The following SV2B variants were observed in gnomAD, a reference collection of about 807,000 sequenced individuals.
SV2B encodes synaptic vesicle glycoprotein 2B.
In SV2B, 41 loss-of-function variants were observed where a neutral mutation model predicts 73.9. That is an observed-to-expected ratio of 0.56 (90% CI 0.43 to 0.72). The LOEUF is 0.72. Ranked by LOEUF, SV2B falls within the 30% of genes least tolerant of loss-of-function variation. The pLI, the probability that SV2B is intolerant of heterozygous loss-of-function variation, is 0.00. For synonymous variants in SV2B, 314 were observed against 314.2 expected (o/e 1.00, Z 0.01); for missense variants, 764 against 857.8 (o/e 0.89, Z 1.37).
intron 1 of SV2B, among the ~76,000 whole-genome samples, chr15:91,191,644 C>T (rs1029194913): frequency 1.3e-5 from 2 of 152,172 alleles, no homozygotes; most frequent in African/African-American, 4.8e-5. Flanking sequence ...TGCGGTAGCT[C>T]AAATACAATT....
intron 1 of SV2B, among the ~76,000 whole-genome samples, chr15:91,168,400 C>T (rs2043997450): frequency 6.6e-6 from 1 of 151,970 alleles, no homozygotes. Flanking sequence ...AGGATTTTCT[C>T]TGAGTTGTGG....
rs2046315767 is a variant in SV2B, at chr15:91,224,595, G to A, written c.-391-1278G>A. Among the ~76,000 whole-genome samples, 1 of 152,212 alleles carries A rather than the reference G, an allele frequency of 6.6e-6. No individual in the cohort carries two copies. The highest frequency in any genetic ancestry group is 2.1e-4 in the South Asian group (1 of 4,834). ...TTTAATGTGACAGTCCCTCGGGGTA[G>A]CATCTGGGAAGTATGAGGACATTGG... On this transcript the variant is annotated intron_variant, in intron 1 of 12. Transcript: ENST00000394232. This position sits in a 1 kb window ranked among gnomAD's most constrained non-coding sequence, Gnocchi z 4.9.
chr15:91,186,982 C>T (rs943568508), intron 1 of SV2B, among the ~76,000 whole-genome samples: 1 of 152,174 alleles, frequency 6.6e-6, no homozygotes, highest in Non-Finnish European at 1.5e-5. Context: ...GCCTGTTTAT[C>T]TTTTAAAAGT....
Position 91,227,870 on chromosome 15 carries a change from A to G in SV2B, c.451+1156A>G, listed in dbSNP as rs893667263. Among the ~76,000 whole-genome samples, 1 of 152,238 alleles carries G rather than the reference A, an allele frequency of 6.6e-6. No homozygotes were observed. Among genetic ancestry groups the G allele is most frequent in the African/African-American group, 2.4e-5 (1 of 41,470 alleles). On this transcript the variant is annotated intron_variant, in intron 2 of 12. Coordinates refer to ENST00000394232, the MANE Select transcript of SV2B (RefSeq NM_001323032.3). The surrounding 1 kb of genome is among the most constrained non-coding windows in gnomAD (Gnocchi z 4.5). Reference sequence around the variant, plus strand: ...AGCAAGAGCTAGCAAACAGTTCTGTAAAGACCCAGATAGTAAATATTGTAG... The same window carrying G: ...AGCAAGAGCTAGCAAACAGTTCTGTGAAGACCCAGATAGTAAATATTGTAG...
At chr15:91,207,649 C>G (rs1421037799) in intron 1 of SV2B, among the ~76,000 whole-genome samples, 1 of 152,116 alleles carries the variant, frequency 6.6e-6, no homozygotes, top group Non-Finnish European at 1.5e-5. Context: ...GACAGAATAA[C>G]AAAATAAAAG....
chr15:91,123,319 A>G lies in SV2B; in HGVS notation c.-392+22956A>G, dbSNP rs2042389117. ...AGGGAGTAGATTTTGTGTTCTTATC[A>G]TACACACATACACACACAAAAAGAT... On this transcript the variant is annotated intron_variant, in intron 1 of 12. Transcript: ENST00000394232. The surrounding 1 kb of genome is among the most constrained non-coding windows in gnomAD (Gnocchi z 4.7). 6.6e-6 allele frequency among the ~76,000 whole-genome samples: 1 copy of G among 152,206 alleles called. No individual in the cohort carries two copies. The highest frequency in any genetic ancestry group is 2.4e-5 in the African/African-American group (1 of 41,450).
chr15:91,119,498 T>C (rs1227030515), intron 1 of SV2B, among the ~76,000 whole-genome samples: 4 of 152,220 alleles, frequency 2.6e-5, no homozygotes, highest in Non-Finnish European at 1.5e-5. Flanking sequence ...GATTTGGAAA[T>C]TACCCAAATC....
chr15:91,260,262 TG>T, intron 5 of SV2B, 57 bp from the exon 6 acceptor site: 1 of 1,487,458 alleles, frequency 6.7e-7, no homozygotes, highest in Non-Finnish European at 9.1e-7. Context: ...CCACCCCTAA[TG>T]AACAGAAGGC....
chr15:91,272,767 C>T (rs1233128559), intron 9 of SV2B, among the ~76,000 whole-genome samples: 2 of 150,652 alleles, frequency 1.3e-5, no homozygotes, highest in Admixed American at 1.3e-4. Flanking sequence ...TGTCACGCAT[C>T]ACACTGAAAT....
rs1316684252 is a variant in SV2B, at chr15:91,292,617, T to G, written c.*65T>G. 3.2e-6 allele frequency: 5 copies of G among 1,549,292 alleles called. No homozygotes were observed. The highest frequency in any genetic ancestry group is 4.4e-6 in the Non-Finnish European group (5 of 1,149,124). ...CAGGACACTGAAATGCATCCACACT[T>G]CCTGCCTATCACGGTCCGGAGGACA... On this transcript the variant is annotated 3_prime_UTR_variant, in exon 13 of 13. Transcript: ENST00000394232.
At chr15:91,249,425 T>C (rs1282344237) in intron 2 of SV2B, among the ~76,000 whole-genome samples, 1 of 152,216 alleles carries the variant, frequency 6.6e-6, no homozygotes, top group Non-Finnish European at 1.5e-5. Context: ...TAATCATACA[T>C]TTTATTGTTT....
chr15:91,216,525 T>C (rs911897770), intron 1 of SV2B, among the ~76,000 whole-genome samples: 3 of 151,852 alleles, frequency 2.0e-5, no homozygotes, highest in Admixed American at 6.6e-5. Context: ...CAGGCTGGAG[T>C]GCAATGGTGT....
chr15:91,228,159 C>T (rs1304605589), intron 2 of SV2B, among the ~76,000 whole-genome samples: 5 of 152,088 alleles, frequency 3.3e-5, no homozygotes, highest in East Asian at 1.9e-4. Context: ...TGGTTTTACA[C>T]GTTTGTGTTT....
At chr15:91,173,561 C>G (rs556423456) in intron 1 of SV2B, among the ~76,000 whole-genome samples, 2 of 152,170 alleles carry the variant, frequency 1.3e-5, no homozygotes, top group Non-Finnish European at 2.9e-5. Context: ...CTGTCCTGCC[C>G]TGTCCTCAGT....
intron 1 of SV2B, among the ~76,000 whole-genome samples, chr15:91,144,175 G>A (rs1475645251): frequency 6.6e-6 from 1 of 152,174 alleles, no homozygotes; most frequent in Non-Finnish European, 1.5e-5. Context: ...ACACCTGCAG[G>A]AACTAGCTAG....
intron 11 of SV2B, among the ~76,000 whole-genome samples, chr15:91,287,479 T>A (rs1000255635): frequency 6.6e-6 from 1 of 152,204 alleles, no homozygotes; most frequent in Non-Finnish European, 1.5e-5. Flanking sequence ...TTTTGCCATG[T>A]TCTGCATCCA....
rs1192795137 is a variant in SV2B at position 91,110,514 on chromosome 15, TG to T, written c.-392+10152del. 2.0e-5 allele frequency among the ~76,000 whole-genome samples: 3 copies of T among 152,230 alleles called. No homozygotes were observed. The highest frequency in any genetic ancestry group is 4.4e-5 in the Non-Finnish European group (3 of 68,034). Reference sequence around the variant, plus strand: ...GGCCCAGTGAGGGTGGCTCCTGTGTTGCCTGCCATCCCTGCTCTATCGCACG... The same window carrying T: ...GGCCCAGTGAGGGTGGCTCCTGTGTTCCTGCCATCCCTGCTCTATCGCACG... On this transcript the variant is annotated intron_variant, in intron 1 of 12. Coordinates refer to ENST00000394232, the MANE Select transcript of SV2B (RefSeq NM_001323032.3). The surrounding 1 kb of genome is among the most constrained non-coding windows in gnomAD (Gnocchi z 5.4).
At position 91,150,298 on chromosome 15, in the gene SV2B, C is replaced by T. The variant is rs143221317; in HGVS notation, c.-392+49935C>T. On this transcript the variant is annotated intron_variant, in intron 1 of 12. Transcript: ENST00000394232. ...CTGGGATTACAGACGTGAGCCACCA[C>T]GCCCGGCTTCTGTCTGTCTCTCTAT... 4.8e-3 allele frequency among the ~76,000 whole-genome samples: 727 copies of T among 152,282 alleles called. 4 individuals carry two copies. The highest frequency in any genetic ancestry group is 0.016 in the African/African-American group (685 of 41,556).
rs2042012645 is a variant in SV2B, at chr15:91,110,727, C to T, written c.-392+10364C>T. Among the ~76,000 whole-genome samples, 1 of 152,182 alleles carries T rather than the reference C, an allele frequency of 6.6e-6. No individual in the cohort carries two copies. The highest frequency in any genetic ancestry group is 1.5e-5 in the Non-Finnish European group (1 of 68,044). On this transcript the variant is annotated intron_variant, in intron 1 of 12. Transcript: ENST00000394232. This position sits in a 1 kb window ranked among gnomAD's most constrained non-coding sequence, Gnocchi z 5.4. ...TCATGGGAATGTCGGGAGCCTCTGC[C>T]CTTGACCCTGGAGGGCTCAAGGAAT...
Sources: allele counts gnomAD v4.1 joint callset (sites outside exome capture counted in the v4.1 genomes callset), GRCh38; gene constraint gnomAD v4.1.1; non-coding constraint Gnocchi (gnomAD v3.1); transcripts MANE v1.5; gene names NCBI Gene and HGNC (gene_info 2026-07-23, HGNC 2026-07-21).